The following ASIC4 variants were observed in gnomAD, a reference collection of about 807,000 sequenced individuals.
ASIC4 encodes acid sensing ion channel subunit family member 4, also known as acid-sensing ion channel 4.
Under a neutral mutation model 53.4 loss-of-function variants are expected in ASIC4, and 28 were observed. The ratio of observed to expected loss-of-function variants is 0.52; its 90% CI spans 0.39 to 0.72. The LOEUF (loss-of-function observed/expected upper bound fraction) is 0.72, where lower values mean the gene tolerates loss of function less well. Among genes scored for constraint, ASIC4 ranks in the 30% least tolerant of loss-of-function variants. ASIC4 has a pLI of 0.00. For missense variants in ASIC4, 649 were observed against 729.7 expected, an observed-to-expected ratio of 0.89 and a Z score of 1.27; for synonymous variants, 289 against 301.4, an observed-to-expected ratio of 0.96 and a Z score of 0.43.
chr2:219,518,657 C>T lies in ASIC4; in HGVS notation c.582+3351C>T, dbSNP rs920799982. Among the ~76,000 whole-genome samples the T allele has an allele frequency of 2.0e-5, 3 of 152,140 alleles. No individual in the cohort carries two copies. The highest frequency in any genetic ancestry group is 4.4e-5 in the Non-Finnish European group (3 of 68,026). Reference sequence around the variant, plus strand: ...TGCCGCCATCTGCTACCCACACCCCCTTCCTCCAAGCCCCAGTTCTACCTT... The same window carrying T: ...TGCCGCCATCTGCTACCCACACCCCTTTCCTCCAAGCCCCAGTTCTACCTT... On this transcript the variant is annotated intron_variant, in intron 1 of 9. Transcript: ENST00000358078. The surrounding 1 kb of genome is among the most constrained non-coding windows in gnomAD (Gnocchi z 4.8).
Position 219,532,353 on chromosome 2 carries a change from A to C in ASIC4, c.894A>C (p.Ala298=), listed in dbSNP as rs1559119275. The C allele has an allele frequency of 6.2e-7, 1 of 1,613,700 alleles. No individual in the cohort carries two copies. The highest frequency in any genetic ancestry group is 8.5e-7 in the Non-Finnish European group (1 of 1,179,642). The change falls in exon 4 of 10, where the codon GCA becomes GCC. Residue 298 remains alanine, a synonymous_variant. Transcript: ENST00000358078. ...CCCAGCCCTGGGGCAACTGCCGCGC[A>C]GAGAGTGAGCTCAGGGAGCCTGAGC... is the stretch of plus-strand genomic sequence containing the variant. ...YLPQPWGNCR[A]ESELREPELQ...
At chr2:219,510,870 G>A (rs918979736), upstream of ASIC4, among the ~76,000 whole-genome samples, 52 of 151,258 alleles carry the variant, frequency 3.4e-4, no homozygotes, top group Admixed American at 2.9e-3. The surrounding 1 kb of genome is among the most constrained non-coding windows in gnomAD (Gnocchi z 5.2). Context: ...CTCATTAACC[G>A]CTTCTCCTGC....
At position 219,537,621 on chromosome 2, in the gene ASIC4, T is replaced by G; in HGVS notation, c.1402-11T>G. On this transcript the variant is annotated splice_polypyrimidine_tract_variant and intron_variant, in intron 8 of 9. Coordinates refer to ENST00000358078, the MANE Select transcript of ASIC4 (RefSeq NM_018674.6). This position sits in a 1 kb window ranked among gnomAD's most constrained non-coding sequence, Gnocchi z 4.9. ...CTGAGCCCACTGCTGTCCCCGACCCTGAACCCCAAGGTGTCCTGGGATCGA... is the reference window on the plus strand; with the variant it reads ...CTGAGCCCACTGCTGTCCCCGACCCGGAACCCCAAGGTGTCCTGGGATCGA... 1 of 1,608,042 alleles carries G rather than the reference T, an allele frequency of 6.2e-7. No individual in the cohort carries two copies. The highest frequency in any genetic ancestry group is 8.5e-7 in the Non-Finnish European group (1 of 1,176,876).
intron 5 of ASIC4, among the ~76,000 whole-genome samples, chr2:219,534,764 GCCAT>G (rs56026817): frequency 0.021 from 3,202 of 151,078 alleles, 65 homozygotes; most frequent in African/African-American, 0.048. Flanking sequence ...CTGGCCATCT[GCCAT>G]CCATCCATCC....
intron 1 of ASIC4, among the ~76,000 whole-genome samples, chr2:219,519,169 G>A (rs996821540): frequency 6.6e-6 from 1 of 152,208 alleles, no homozygotes; most frequent in Non-Finnish European, 1.5e-5. Flanking sequence ...CTCCCAAAGT[G>A]CTGGGTGTAT....
rs1205500027 is a variant in ASIC4, at chr2:219,538,181, C to T, written c.*135C>T. ...AGGACTCAGTTCCTGCTCTCATCCT[C>T]CCCTGCCCTGATGTCAGCTGCTTTG... On this transcript the variant is annotated 3_prime_UTR_variant, in exon 10 of 10. Transcript: ENST00000358078. 4 of 742,170 alleles carry T rather than the reference C, an allele frequency of 5.4e-6. No individual in the cohort carries two copies. Among genetic ancestry groups the T allele is most frequent in the Non-Finnish European group, 9.3e-6 (4 of 431,816 alleles). The allele number at this position is 742,170 out of a possible 1,614,324, so 46.0% of individuals were successfully genotyped here. A position where few individuals can be genotyped will look rare whatever the true frequency, so the allele number is the denominator to read the frequency against.
At position 219,535,228 on chromosome 2, in the gene ASIC4, C is replaced by G. The variant is rs1019770681; in HGVS notation, c.1133C>G (p.Thr378Arg). Residue 378 changes from threonine to arginine, a missense_variant, in exon 6 of 10, where the codon ACA (threonine) becomes AGA (arginine). Thr to Arg is a moderately conservative substitution (Grantham distance 71). Coordinates refer to ENST00000358078, the MANE Select transcript of ASIC4 (RefSeq NM_018674.6). The stretch of plus-strand genomic sequence containing the variant: ...TTCTGCCCCACCCCCTGCAACCTGA[C>G]ACGCTATGGGAAAGAGATCTCCATG... ...PCFCPTPCNL[T>R]RYGKEISMVR... 1.2e-6 allele frequency: 2 copies of G among 1,614,064 alleles called. No individual in the cohort carries two copies. Among genetic ancestry groups the G allele is most frequent in the South Asian group, 1.1e-5 (1 of 91,072 alleles).
intron 3 of ASIC4, 87 bp downstream of exon 3, chr2:219,532,215 G>A: frequency 1.2e-6 from 2 of 1,600,128 alleles, no homozygotes; most frequent in Non-Finnish European, 1.7e-6. Flanking sequence ...CCCTCTAGAA[G>A]CTCAGAGCCT....
At position 219,537,439 on chromosome 2, in the gene ASIC4, C is replaced by A; in HGVS notation, c.1401+118C>A. 1 of 1,276,588 alleles carries A rather than the reference C, an allele frequency of 7.8e-7. No individual in the cohort carries two copies. The highest frequency in any genetic ancestry group is 1.1e-6 in the Non-Finnish European group (1 of 909,048). The allele number at this position is 1,276,588 out of a possible 1,614,324, so 79.1% of individuals were successfully genotyped here. On this transcript the variant is annotated intron_variant, in intron 8 of 9. Coordinates refer to ENST00000358078, the MANE Select transcript of ASIC4 (RefSeq NM_018674.6). The surrounding 1 kb of genome is among the most constrained non-coding windows in gnomAD (Gnocchi z 4.9). ...GAAAGTCAGGTTCAGGGTTCTCTGCCAGGGTCCCCTGACTGGCTGGCAGGC... is the reference window on the plus strand; with the variant it reads ...GAAAGTCAGGTTCAGGGTTCTCTGCAAGGGTCCCCTGACTGGCTGGCAGGC...
chr2:219,527,531 C>T (rs1394395979), intron 1 of ASIC4, among the ~76,000 whole-genome samples: 4 of 152,128 alleles, frequency 2.6e-5, no homozygotes, highest in Non-Finnish European at 5.9e-5. Context: ...CCAGCCCCTC[C>T]GAGAGTCAGG....
In ASIC4 at chr2:219,536,661, A is replaced by T. The variant is rs1408062627; in HGVS notation, c.1230-405A>T. Among the ~76,000 whole-genome samples the T allele has an allele frequency of 6.6e-6, 1 of 151,510 alleles. No individual in the cohort carries two copies. Among genetic ancestry groups the T allele is most frequent in the East Asian group, 1.9e-4 (1 of 5,146 alleles). On this transcript the variant is annotated intron_variant, in intron 6 of 9. Coordinates refer to ENST00000358078, the MANE Select transcript of ASIC4 (RefSeq NM_018674.6). This position sits in a 1 kb window ranked among gnomAD's most constrained non-coding sequence, Gnocchi z 4.6. ...CAGCTGTGTGGAGGAAGCAGAAAAG[A>T]CGGCGGCTGGGGAGGAAGGTGCCGG...
chr2:219,510,349 C>A (rs1034975187), upstream of ASIC4, among the ~76,000 whole-genome samples: 1 of 152,150 alleles, frequency 6.6e-6, no homozygotes, highest in Admixed American at 6.5e-5. The surrounding 1 kb of genome is among the most constrained non-coding windows in gnomAD (Gnocchi z 5.2). Context: ...GACCAGCACC[C>A]CCTCCCGGCC....
At chr2:219,534,744 A>G (rs968157571) in intron 5 of ASIC4, among the ~76,000 whole-genome samples, 3 of 151,894 alleles carry the variant, frequency 2.0e-5, no homozygotes, top group Non-Finnish European at 4.4e-5. Flanking sequence ...CTGTTCGCCC[A>G]TCCGTCGATC....
upstream of ASIC4, among the ~76,000 whole-genome samples, chr2:219,512,474 A>T (rs951322038): frequency 2.6e-5 from 4 of 152,208 alleles, no homozygotes; most frequent in Non-Finnish European, 2.9e-5. Flanking sequence ...ACCTTTTAAA[A>T]AAAACAGTAA....
chr2:219,520,844 T>C (rs976783214), intron 1 of ASIC4, among the ~76,000 whole-genome samples: 2 of 152,216 alleles, frequency 1.3e-5, no homozygotes, highest in Non-Finnish European at 1.5e-5. Context: ...TGAGGAGAAC[T>C]GAAGACCACT....
upstream of ASIC4, chr2:219,514,391 C>T (rs772516020): frequency 8.8e-5 from 136 of 1,547,632 alleles, no homozygotes; most frequent in Middle Eastern, 4.0e-3. Context: ...GAGCAGCGCT[C>T]GCTCCCTCGC....
chr2:219,515,936 G>A (rs1427649514), intron 1 of ASIC4, among the ~76,000 whole-genome samples: 1 of 152,120 alleles, frequency 6.6e-6, no homozygotes, highest in Non-Finnish European at 1.5e-5. Context: ...AGCCCTCCTG[G>A]GGTCCAGTCC....
intron 5 of ASIC4, chr2:219,534,048 A>G (rs1188677194): frequency 2.0e-5 from 3 of 150,860 alleles, no homozygotes; most frequent in East Asian, 3.9e-4. Context: ...AAAAAAAAAA[A>G]AAAAAAAAAA....
At position 219,514,826 on chromosome 2, in the gene ASIC4, C is replaced by T; in HGVS notation, c.102C>T (p.Ala34=). The T allele has an allele frequency of 6.2e-7, 1 of 1,613,260 alleles. No homozygotes were observed. Among genetic ancestry groups the T allele is most frequent in the Non-Finnish European group, 8.5e-7 (1 of 1,179,934 alleles). The change falls in exon 1 of 10, where the codon GCC becomes GCT. Residue 34 remains alanine, a synonymous_variant. Transcript: ENST00000358078. Reference sequence around the variant, plus strand: ...AGCAGAGCCTCCTCGGGGCTGTTGCCCCTGGAGCAGCCCCCCGAGACCTGG... The same window carrying T: ...AGCAGAGCCTCCTCGGGGCTGTTGCTCCTGGAGCAGCCCCCCGAGACCTGG... ...GDEQSLLGAV[A]PGAAPRDLAT...
Sources: allele counts gnomAD v4.1 joint callset (sites outside exome capture counted in the v4.1 genomes callset), GRCh38; gene constraint gnomAD v4.1.1; non-coding constraint Gnocchi (gnomAD v3.1); transcripts MANE v1.5; gene names NCBI Gene and HGNC (gene_info 2026-07-23, HGNC 2026-07-21).